AHDC1: variants seen among roughly 807,000 people sequenced by gnomAD.
The protein encoded by AHDC1 is AT-hook DNA binding motif containing 1.
In AHDC1, 7 loss-of-function variants were observed where a neutral mutation model predicts 87.9. The observed-to-expected ratio is 0.08, with a 90% CI of 0.05 to 0.15. The LOEUF is 0.15. AHDC1 is among the 10% of genes least tolerant of loss of function. The probability of loss-of-function intolerance (pLI) is 1.00; values close to 1 mark genes in which losing one functional copy is unlikely to be tolerated. For synonymous variants in AHDC1, 1,051 were observed against 1,006.8 expected, an observed-to-expected ratio of 1.04 and a Z score of -0.83; for missense variants, 1,841 against 2,253.2, an observed-to-expected ratio of 0.82 and a Z score of 3.70.
Position 27,548,954 on chromosome 1 carries a change from C to A in AHDC1, c.3162G>T (p.Leu1054=). The A allele has an allele frequency of 6.3e-7, 1 of 1,579,432 alleles. No homozygotes were observed. Residue 1054 remains leucine, a synonymous_variant, in exon 8 of 9, where the codon CTG becomes CTT. Transcript: ENST00000673934. ...CTGTGCTGGCCCGGCTGTCACAGCG[C>A]AGGGGCGTGGGGGCTGAACCAGAGA... is the stretch of plus-strand genomic sequence containing the variant. ...APFSGSAPTP[L]RCDSRASTVS...
At position 27,604,121 on chromosome 1, in the gene AHDC1, T is replaced by TCCGCCGCCG. The variant is rs923759296; in HGVS notation, c.-887_-879dup. The stretch of plus-strand genomic sequence containing the variant: ...CCCTGCCTGCCTGCCTCTCTCCGTC[T>TCCGCCGCCG]CCGCCGCCGCCGCCGCTGCCTCTGC... On this transcript the variant is annotated 5_prime_UTR_variant, in exon 1 of 9. Coordinates refer to ENST00000673934, the MANE Select transcript of AHDC1 (RefSeq NM_001371928.1). The TCCGCCGCCG allele has an allele frequency of 3.9e-3, 609 of 156,356 alleles. 15 individuals carry two copies. The highest frequency in any genetic ancestry group is 9.3e-3 in the Middle Eastern group (3 of 322). 9.7% of individuals were successfully genotyped at this position (156,356 alleles called of 1,614,324 possible). A position where few individuals can be genotyped will look rare whatever the true frequency, so the allele number is the denominator to read the frequency against.
rs1036650716 is a variant in AHDC1, at chr1:27,548,912, G to A, written c.3204C>T (p.Tyr1068=). 1.2e-6 allele frequency: 2 copies of A among 1,603,938 alleles called. No individual in the cohort carries two copies. The highest frequency in any genetic ancestry group is 1.3e-5 in the African/African-American group (1 of 74,732). The part of the protein sequence containing the change: ...SRASTVSPGG[Y]MVPKGTTASA... ...AGGCTGTGGTGCCCTTGGGTACCAT[G>A]TAGCCACCGGGCGAGACTGTGCTGG... The change falls in exon 8 of 9, where the codon TAC becomes TAT. Residue 1068 remains tyrosine, a synonymous_variant. Coordinates refer to ENST00000673934, the MANE Select transcript of AHDC1 (RefSeq NM_001371928.1).
At chr1:27,580,920 C>T (rs1333367165) in intron 3 of AHDC1, among the ~76,000 whole-genome samples, 2 of 152,072 alleles carry the variant, frequency 1.3e-5, no homozygotes, top group Non-Finnish European at 2.9e-5. Context: ...TTGCAACCTC[C>T]GCCTCCCGGG....
intron 3 of AHDC1, among the ~76,000 whole-genome samples, chr1:27,573,996 T>TA (rs2088625543): frequency 6.6e-6 from 1 of 152,080 alleles, no homozygotes; most frequent in African/African-American, 2.4e-5. Context: ...GAACTGGGGA[T>TA]AGGAGAGGTT....
At position 27,547,577 on chromosome 1, in the gene AHDC1, C is replaced by T. The variant is rs778382203; in HGVS notation, c.4539G>A (p.Lys1513=). The part of the protein sequence containing the change: ...PHLASPPATP[K]ADKEPLEMAR... Reference sequence around the variant, plus strand: ...CCATTTCCAGTGGCTCCTTGTCGGCCTTGGGCGTGGCTGGTGGGCTAGCCA... The same window carrying T: ...CCATTTCCAGTGGCTCCTTGTCGGCTTTGGGCGTGGCTGGTGGGCTAGCCA... The change falls in exon 8 of 9, where the codon AAG becomes AAA. Residue 1513 remains lysine, a synonymous_variant. Transcript: ENST00000673934. The surrounding 1 kb of genome is among the most constrained non-coding windows in gnomAD (Gnocchi z 4.9). The T allele has an allele frequency of 3.5e-5, 57 of 1,609,430 alleles. No individual in the cohort carries two copies. The East Asian group carries it at 1.2e-3, about 34-fold the overall frequency.
intron 3 of AHDC1, among the ~76,000 whole-genome samples, chr1:27,587,797 C>T (rs762874982): frequency 2.0e-5 from 3 of 152,176 alleles, no homozygotes; most frequent in Admixed American, 6.5e-5. Flanking sequence ...AACACCTGTA[C>T]TACCCCATCC....
rs201017997 is a variant in AHDC1, at chr1:27,551,747, C to A, written c.369G>T (p.Gln123His). 8.1e-6 allele frequency: 13 copies of A among 1,613,774 alleles called. No individual in the cohort carries two copies. In the Admixed American group the frequency reaches 2.2e-4, roughly 27 times the overall value. Residue 123 changes from glutamine (Q) to histidine (H), a missense_variant, in exon 8 of 9, where the codon CAG (glutamine) becomes CAT (histidine). By Grantham distance (24) the Gln-to-His change is conservative. Coordinates refer to ENST00000673934, the MANE Select transcript of AHDC1 (RefSeq NM_001371928.1). ...TCAGGTCCTTCATGATGTCAATCAG[C>A]TGCACCACTGGTCGCAGGTTCACCC... ...NGRVNLRPVVQLIDIMKDLTR... is the reference protein window; with the variant it reads ...NGRVNLRPVVHLIDIMKDLTR...
chr1:27,601,111 A>T (rs1421272339), intron 3 of AHDC1, among the ~76,000 whole-genome samples: 1 of 152,196 alleles, frequency 6.6e-6, no homozygotes, highest in Non-Finnish European at 1.5e-5. Context: ...AGCTCCTTCC[A>T]TCACTACCTC....
rs981344156 is a variant in AHDC1 at position 27,562,785 on chromosome 1, A to C, written c.-628-3902T>G. Among the ~76,000 whole-genome samples the C allele has an allele frequency of 6.6e-6, 1 of 152,168 alleles. No individual in the cohort carries two copies. The highest frequency in any genetic ancestry group is 6.5e-5 in the Admixed American group (1 of 15,284). On this transcript the variant is annotated intron_variant, in intron 3 of 8. Coordinates refer to ENST00000673934, the MANE Select transcript of AHDC1 (RefSeq NM_001371928.1). The surrounding 1 kb of genome is among the most constrained non-coding windows in gnomAD (Gnocchi z 4.4). Reference sequence around the variant, plus strand: ...GAAAACATGTCGTCTCTTTAGAGTGAGACACGAGCTCCCAAGTTACTGACA... The same window carrying C: ...GAAAACATGTCGTCTCTTTAGAGTGCGACACGAGCTCCCAAGTTACTGACA...
chr1:27,602,527 C>T (rs1156694921), intron 3 of AHDC1, among the ~76,000 whole-genome samples: 1 of 152,154 alleles, frequency 6.6e-6, no homozygotes, highest in Non-Finnish European at 1.5e-5. Flanking sequence ...GCCCCCTGCC[C>T]CTCTGGCTCT....
chr1:27,552,084 G>T lies in AHDC1; in HGVS notation c.32C>A (p.Thr11Asn). 6.7e-7 allele frequency: 1 copy of T among 1,486,188 alleles called. No individual in the cohort carries two copies. The allele number at this position is 1,486,188 out of a possible 1,614,324, so 92.1% of individuals were successfully genotyped here. ...AGGAGAGCTGCACACGGCACTGGAA[G>T]TCACCACCAGGCCCTGGGGCTTCAC... is the stretch of plus-strand genomic sequence containing the variant. MRVKPQGLVV[T>N]SSAVCSSPDY... The change falls in exon 8 of 9, where the codon ACT becomes AAT. Residue 11 changes from threonine to asparagine, a missense_variant. Physicochemically the swap from Thr to Asn is moderately conservative, Grantham distance 65. Around this residue, in one of 13 missense-constraint regions of AHDC1, gnomAD observed 142 missense variants for 165.6 expected, o/e 0.86. Transcript: ENST00000673934.
At position 27,548,945 on chromosome 1, in the gene AHDC1, G is replaced by A; in HGVS notation, c.3171C>T (p.Asp1057=). Residue 1057 remains aspartate (D), a synonymous_variant, in exon 8 of 9, where the codon GAC becomes GAT. Coordinates refer to ENST00000673934, the MANE Select transcript of AHDC1 (RefSeq NM_001371928.1). ...CGGGCGAGACTGTGCTGGCCCGGCT[G>A]TCACAGCGCAGGGGCGTGGGGGCTG... ...SGSAPTPLRC[D]SRASTVSPGG... 6.3e-7 allele frequency: 1 copy of A among 1,586,644 alleles called. No homozygotes were observed. Among genetic ancestry groups the A allele is most frequent in the Non-Finnish European group, 8.6e-7 (1 of 1,165,064 alleles).
intron 3 of AHDC1, among the ~76,000 whole-genome samples, chr1:27,580,739 A>G (rs544892877): frequency 5.1e-4 from 77 of 152,380 alleles, no homozygotes; most frequent in Non-Finnish European, 3.1e-4. Context: ...TAAGCATTTA[A>G]TGCTAGCTGC....
chr1:27,560,972 C>T lies in AHDC1; in HGVS notation c.-628-2089G>A, dbSNP rs1479017296. Among the ~76,000 whole-genome samples, 1 of 152,108 alleles carries T rather than the reference C, an allele frequency of 6.6e-6. No individual in the cohort carries two copies. Among genetic ancestry groups the T allele is most frequent in the Non-Finnish European group, 1.5e-5 (1 of 68,004 alleles). On this transcript the variant is annotated intron_variant, in intron 3 of 8. Transcript: ENST00000673934. The surrounding 1 kb of genome is among the most constrained non-coding windows in gnomAD (Gnocchi z 4.1). ...TCCCTCTCCCTCCCTTCCTCTCTCT[C>T]TCTCTCTGTAGGAGCCAGACAACTC...
intron 3 of AHDC1, among the ~76,000 whole-genome samples, chr1:27,573,532 A>G (rs2088610608): frequency 6.6e-6 from 1 of 152,216 alleles, no homozygotes; most frequent in Non-Finnish European, 1.5e-5. Flanking sequence ...CAGTGCATCC[A>G]AAGACATGAG....
chr1:27,556,107 G>A (rs2019803971), intron 5 of AHDC1, among the ~76,000 whole-genome samples: 1 of 152,114 alleles, frequency 6.6e-6, no homozygotes, highest in South Asian at 2.1e-4. Context: ...GGTTGGGAGG[G>A]GGCTGGGGGC....
At chr1:27,596,651 G>A (rs1415782329) in intron 3 of AHDC1, among the ~76,000 whole-genome samples, 1 of 151,952 alleles carries the variant, frequency 6.6e-6, no homozygotes, top group Non-Finnish European at 1.5e-5. Flanking sequence ...ACACTCACAC[G>A]CACTCATACA....
intron 3 of AHDC1, among the ~76,000 whole-genome samples, chr1:27,581,427 G>GAA (rs748203208): frequency 8.5e-6 from 1 of 117,746 alleles, no homozygotes; most frequent in Non-Finnish European, 1.9e-5. Flanking sequence ...GTAACCAAGA[G>GAA]AAAAAAAAAA....
In AHDC1 at chr1:27,551,257, C is replaced by A; in HGVS notation, c.859G>T (p.Ala287Ser). Reference protein sequence around the residue: ...DPQPRFLDPQALEPLGEALEL... With the variant: ...DPQPRFLDPQSLEPLGEALEL... Reference sequence around the variant, plus strand: ...AGAGCTTCCCCGAGCGGCTCTAGTGCCTGCGGGTCCAGGAAGCGGGGCTGG... The same window carrying A: ...AGAGCTTCCCCGAGCGGCTCTAGTGACTGCGGGTCCAGGAAGCGGGGCTGG... The change falls in exon 8 of 9, where the codon GCA (alanine) becomes TCA (serine). Residue 287 changes from alanine (A) to serine (S), a missense_variant. Around this residue, in one of 13 missense-constraint regions of AHDC1, gnomAD observed 370 missense variants for 391.5 expected, o/e 0.95. Coordinates refer to ENST00000673934, the MANE Select transcript of AHDC1 (RefSeq NM_001371928.1). The A allele has an allele frequency of 6.2e-7, 1 of 1,609,958 alleles. No individual in the cohort carries two copies. Among genetic ancestry groups the A allele is most frequent in the Non-Finnish European group, 8.5e-7 (1 of 1,179,586 alleles).
Sources: allele counts gnomAD v4.1 joint callset (sites outside exome capture counted in the v4.1 genomes callset), GRCh38; gene constraint gnomAD v4.1.1; regional missense constraint gnomAD v4.1.1; non-coding constraint Gnocchi (gnomAD v3.1); transcripts MANE v1.5; gene names NCBI Gene and HGNC (gene_info 2026-07-23, HGNC 2026-07-21).